The following DENND1A variants were observed in gnomAD, a reference collection of about 807,000 sequenced individuals.
DENND1A encodes DENN domain containing 1A.
In DENND1A, 51 loss-of-function variants were observed where a neutral mutation model predicts 113.7. That is an observed-to-expected ratio of 0.45 (90% CI 0.36 to 0.57). The LOEUF is 0.57. DENND1A is among the 20% of genes least tolerant of loss of function. The probability of loss-of-function intolerance (pLI) is 0.00; values close to 1 mark genes in which losing one functional copy is unlikely to be tolerated. For missense variants in DENND1A, 1,258 were observed against 1,395.9 expected, an observed-to-expected ratio of 0.90 and a Z score of 1.57; for synonymous variants, 565 against 570.8, an observed-to-expected ratio of 0.99 and a Z score of 0.14.
chr9:123,758,088 GCT>G (rs1472631595), intron 4 of DENND1A, among the ~76,000 whole-genome samples: 2 of 151,990 alleles, frequency 1.3e-5, no homozygotes, highest in African/African-American at 4.8e-5. Flanking sequence ...CTCTGAGGCA[GCT>G]CTGTTAGTCA....
rs2045070180 is a variant in DENND1A at position 123,419,673 on chromosome 9, G to T, written c.1489-7844C>A. On this transcript the variant is annotated intron_variant, in intron 19 of 23. Coordinates refer to ENST00000394215, the MANE Select transcript of DENND1A (RefSeq NM_001352964.2). Reference sequence around the variant, plus strand: ...CTCTACACTTTGGGACTGGAAATCTGCTATTATGCAAGGCATGGAAATAAA... The same window carrying T: ...CTCTACACTTTGGGACTGGAAATCTTCTATTATGCAAGGCATGGAAATAAA... Among the ~76,000 whole-genome samples, 3 of 152,256 alleles carry T rather than the reference G, an allele frequency of 2.0e-5. No individual in the cohort carries two copies. The South Asian group carries it at 6.2e-4, about 31-fold the overall frequency.
intron 13 of DENND1A, among the ~76,000 whole-genome samples, chr9:123,489,102 C>G (rs1023947333): frequency 6.6e-6 from 1 of 152,136 alleles, no homozygotes; most frequent in Non-Finnish European, 1.5e-5. Flanking sequence ...ATCCACACAC[C>G]TCAGACACGC....
intron 10 of DENND1A, among the ~76,000 whole-genome samples, chr9:123,629,179 A>G (rs778276832): frequency 6.6e-6 from 1 of 152,230 alleles, no homozygotes; most frequent in Non-Finnish European, 1.5e-5. Context: ...ACCTGGACTC[A>G]ATCACTCCGA....
intron 5 of DENND1A, among the ~76,000 whole-genome samples, chr9:123,701,711 G>A (rs897963941): frequency 1.3e-5 from 2 of 152,176 alleles, no homozygotes; most frequent in Admixed American, 6.5e-5. Flanking sequence ...TCCCAGTGCT[G>A]TACCAGCCTT....
intron 8 of DENND1A, among the ~76,000 whole-genome samples, chr9:123,653,457 C>T (rs116394126): frequency 0.012 from 1,832 of 152,338 alleles, 21 homozygotes; most frequent in Non-Finnish European, 0.015. Flanking sequence ...GTACACAACA[C>T]TGTCCCTCTT....
chr9:123,410,994 T>C (rs780842144), intron 20 of DENND1A, among the ~76,000 whole-genome samples: 6 of 152,074 alleles, frequency 3.9e-5, no homozygotes, highest in Non-Finnish European at 7.4e-5. Context: ...CCAGACCCCA[T>C]ATTTTTCCAT....
Position 123,711,537 on chromosome 9 carries a change from AT to A in DENND1A, c.303-34749del, listed in dbSNP as rs2066635535. Among the ~76,000 whole-genome samples the A allele has an allele frequency of 7.0e-5, 10 of 142,248 alleles. No individual in the cohort carries two copies. In the South Asian group the frequency reaches 1.5e-3, roughly 22 times the overall value. 93.3% of individuals were successfully genotyped at this position (142,248 alleles called of 152,430 possible). On this transcript the variant is annotated intron_variant, in intron 5 of 23. Coordinates refer to ENST00000394215, the MANE Select transcript of DENND1A (RefSeq NM_001352964.2). ...TGTATATATATATATATATATATAT[AT>A]AAATTCAACAAAGCAATGTCTTTCA...
intron 1 of DENND1A, among the ~76,000 whole-genome samples, chr9:123,907,658 C>T (rs530875550): frequency 0.077 from 11,447 of 149,182 alleles, 713 homozygotes; most frequent in African/African-American, 0.17. Flanking sequence ...AGGACCTCTT[C>T]AAGGAGAATT....
intron 2 of DENND1A, among the ~76,000 whole-genome samples, chr9:123,864,501 T>C (rs1050985770): frequency 6.6e-6 from 1 of 152,188 alleles, no homozygotes. Context: ...CTCATTGTAC[T>C]GTGGGAAGTC....
At chr9:123,508,889 C>T (rs1275021448) in intron 13 of DENND1A, among the ~76,000 whole-genome samples, 1 of 152,142 alleles carries the variant, frequency 6.6e-6, no homozygotes, top group Non-Finnish European at 1.5e-5. Context: ...AGCAGAGTAC[C>T]CCCGGCTGTG....
intron 13 of DENND1A, among the ~76,000 whole-genome samples, chr9:123,475,175 C>A (rs1361659061): frequency 2.6e-5 from 4 of 152,122 alleles, no homozygotes; most frequent in East Asian, 3.8e-4. Flanking sequence ...CCCGCCAACA[C>A]GCCCGGCTAA....
chr9:123,661,377 T>A (rs1306853936), intron 8 of DENND1A, among the ~76,000 whole-genome samples: 1 of 152,170 alleles, frequency 6.6e-6, no homozygotes, highest in Non-Finnish European at 1.5e-5. Context: ...CAATAAAGGC[T>A]TACACTGAAA....
At chr9:123,899,288 C>T (rs1037530881) in intron 1 of DENND1A, among the ~76,000 whole-genome samples, 1 of 152,158 alleles carries the variant, frequency 6.6e-6, no homozygotes, top group African/African-American at 2.4e-5. Flanking sequence ...TGCCAGTTCT[C>T]CCTCCTGACT....
chr9:123,414,155 G>C, intron 19 of DENND1A: 1 of 1,008,942 alleles, frequency 9.9e-7, no homozygotes, highest in Non-Finnish European at 1.2e-6. Flanking sequence ...TTTACTCCCT[G>C]GGTTACTCCA....
chr9:123,899,438 T>C (rs1851262643), intron 1 of DENND1A, among the ~76,000 whole-genome samples: 1 of 152,208 alleles, frequency 6.6e-6, no homozygotes, highest in African/African-American at 2.4e-5. Context: ...TGCTGGAGGT[T>C]TGGAAGCTAG....
At chr9:123,853,246 T>A (rs1256370403) in intron 2 of DENND1A, among the ~76,000 whole-genome samples, 1 of 151,900 alleles carries the variant, frequency 6.6e-6, no homozygotes, top group East Asian at 1.9e-4. Flanking sequence ...TAACCAGTGA[T>A]CAGTTATCAA....
At chr9:123,703,902 TA>T (rs2066026305) in intron 5 of DENND1A, among the ~76,000 whole-genome samples, 2 of 152,130 alleles carry the variant, frequency 1.3e-5, no homozygotes, top group Non-Finnish European at 2.9e-5. Flanking sequence ...TACATCTGTA[TA>T]CATTTGTCAA....
At chr9:123,612,530 C>G (rs756721383) in intron 10 of DENND1A, among the ~76,000 whole-genome samples, 2 of 152,136 alleles carry the variant, frequency 1.3e-5, no homozygotes, top group Non-Finnish European at 1.5e-5. Flanking sequence ...AAAGTGCATA[C>G]ATTGTTTTAT....
At position 123,424,486 on chromosome 9, in the gene DENND1A, G is replaced by T. The variant is rs148909538; in HGVS notation, c.1489-12657C>A. ...CTAGATTAGGCTCCCACCAGCCCTG[G>T]CCTGAGCAATGTCCGTGGGATCATC... is the stretch of plus-strand genomic sequence containing the variant. On this transcript the variant is annotated intron_variant, in intron 19 of 23. Coordinates refer to ENST00000394215, the MANE Select transcript of DENND1A (RefSeq NM_001352964.2). Among the ~76,000 whole-genome samples the T allele has an allele frequency of 5.5e-3, 840 of 152,286 alleles. 6 individuals are homozygous for T. Among genetic ancestry groups the T allele is most frequent in the Admixed American group, 0.013 (197 of 15,294 alleles).
Sources: gnomAD v4.1 joint callset for allele counts (sites outside exome capture counted in the v4.1 genomes callset) on GRCh38, gnomAD v4.1.1 for gene constraint, MANE v1.5 for transcripts, NCBI Gene and HGNC (gene_info 2026-07-23, HGNC 2026-07-21) for gene names.